PALD1: variants seen among roughly 807,000 people sequenced by gnomAD.
PALD1 encodes the protein paladin.
Under a neutral mutation model 96.0 loss-of-function variants are expected in PALD1, and 57 were observed. The ratio of observed to expected loss-of-function variants is 0.59; its 90% confidence interval spans 0.48 to 0.74. The LOEUF is 0.74. PALD1 is among the 30% of genes least tolerant of loss of function. The pLI is 0.00. For missense variants in PALD1, 1,063 were observed against 1,143.7 expected, an observed-to-expected ratio of 0.93 and a Z score of 1.02; for synonymous variants, 464 against 473.6, an observed-to-expected ratio of 0.98 and a Z score of 0.26.
chr10:70,529,318 AC>A lies in PALD1; in HGVS notation c.276del (p.Tyr93ThrfsTer126). The stretch of plus-strand genomic sequence containing the variant: ...CGGCTCTCGGACAACACCCCTGAGC[AC>A]TACCTGGTGCAAGTGAGCTCAGGCC... ...LGRLSDNTPEHYLVQGRYFLV... is the reference protein window; with the variant it reads ...LGRLSDNTPEXYLVQGRYFLV... On this transcript the variant is annotated frameshift_variant, in exon 3 of 20. Coordinates refer to ENST00000263563, the MANE Select transcript of PALD1 (RefSeq NM_014431.3). LOFTEE classifies it high-confidence loss of function. 1 of 1,580,282 alleles carries A rather than the reference AC, an allele frequency of 6.3e-7. No homozygotes were observed. The highest frequency in any genetic ancestry group is 1.7e-5 in the Admixed American group (1 of 58,194).
At chr10:70,507,665 G>T (rs955917438) in intron 1 of PALD1, among the ~76,000 whole-genome samples, 1 of 152,034 alleles carries the variant, frequency 6.6e-6, no homozygotes, top group Non-Finnish European at 1.5e-5. Context: ...CAAGCTATCC[G>T]CCAGCCTTGG....
intron 18 of PALD1, among the ~76,000 whole-genome samples, chr10:70,552,656 A>G (rs552108253): frequency 1.3e-5 from 2 of 152,228 alleles, no homozygotes; most frequent in Admixed American, 6.5e-5. Context: ...TCTTCTGTGC[A>G]TATTTCAGTA....
chr10:70,529,799 C>G, intron 3 of PALD1, 90 bp from the exon 4 acceptor site: 1 of 1,186,896 alleles, frequency 8.4e-7, no homozygotes, highest in East Asian at 2.4e-5. Context: ...TTTCCCCCCT[C>G]CCTGTCCCCT....
the PALD1 span, among the ~76,000 whole-genome samples, chr10:70,472,924 T>G: frequency 6.6e-6 from 1 of 152,212 alleles, no homozygotes; most frequent in East Asian, 1.9e-4. Flanking sequence ...GAATTTTAAA[T>G]TTATTAGTTC....
At chr10:70,557,489 C>G (rs1200215315) in intron 18 of PALD1, among the ~76,000 whole-genome samples, 1 of 152,222 alleles carries the variant, frequency 6.6e-6, no homozygotes, top group Non-Finnish European at 1.5e-5. Flanking sequence ...TCCCTTCACA[C>G]TTTGAAATTA....
intron 1 of PALD1, among the ~76,000 whole-genome samples, chr10:70,495,846 A>G (rs1456580677): frequency 7.3e-5 from 11 of 151,514 alleles, no homozygotes; most frequent in Non-Finnish European, 1.6e-4. Context: ...TCTCTACAAA[A>G]AAAAAAAAAA....
At chr10:70,551,038 T>G (rs1847468076) in intron 18 of PALD1, among the ~76,000 whole-genome samples, 1 of 152,204 alleles carries the variant, frequency 6.6e-6, no homozygotes, top group African/African-American at 2.4e-5. Flanking sequence ...CCTTTTCAGG[T>G]TAACCACCGT....
At chr10:70,523,333 G>C (rs1234985253) in intron 1 of PALD1, among the ~76,000 whole-genome samples, 2 of 152,212 alleles carry the variant, frequency 1.3e-5, no homozygotes, top group African/African-American at 4.8e-5. Context: ...GTGGCCAGCT[G>C]TTGCCTTCTG....
intron 4 of PALD1, among the ~76,000 whole-genome samples, chr10:70,530,365 C>A (rs992744963): frequency 6.6e-6 from 1 of 152,180 alleles, no homozygotes; most frequent in African/African-American, 2.4e-5. Flanking sequence ...ACAGGAGGAG[C>A]CAGCTCATAA....
intron 1 of PALD1, among the ~76,000 whole-genome samples, chr10:70,508,854 T>TGTGTGTGTGTGTGTGTGGGTGTGTGTGC (rs1406004914): frequency 8.2e-6 from 1 of 122,354 alleles, no homozygotes; most frequent in Non-Finnish European, 1.8e-5. Flanking sequence ...TGTGTGTGTG[T>TGTGTGTGTGTGTGTGTGGGTGTGTGTGC]GTGCAGGCCT....
At chr10:70,459,257 G>A in the PALD1 span, among the ~76,000 whole-genome samples, 1 of 152,210 alleles carries the variant, frequency 6.6e-6, no homozygotes, top group African/African-American at 2.4e-5. Context: ...ATGAGGAACC[G>A]GGGCTCGGAG....
Position 70,539,015 on chromosome 10 carries a change from G to A in PALD1, c.1569+7G>A, listed in dbSNP as rs534355369. On this transcript the variant is annotated splice_region_variant and intron_variant, in intron 13 of 19. Transcript: ENST00000263563. This position sits in a 1 kb window ranked among gnomAD's most constrained non-coding sequence, Gnocchi z 4.5. Reference sequence around the variant, plus strand: ...GGCCCAGCCCAGCGCCAAGGTGACCGGCCCTCAGGGCCTGGGTCCCCCAGT... The same window carrying A: ...GGCCCAGCCCAGCGCCAAGGTGACCAGCCCTCAGGGCCTGGGTCCCCCAGT... The A allele has an allele frequency of 6.4e-5, 104 of 1,613,538 alleles. No homozygotes were observed. The highest frequency in any genetic ancestry group is 8.2e-5 in the Non-Finnish European group (97 of 1,179,758).
chr10:70,519,074 G>A (rs1296781285), intron 1 of PALD1, among the ~76,000 whole-genome samples: 1 of 152,190 alleles, frequency 6.6e-6, no homozygotes, highest in Non-Finnish European at 1.5e-5. Flanking sequence ...CTGTGCCTCA[G>A]TTGCCTCATC....
chr10:70,465,553 G>A, the PALD1 span, among the ~76,000 whole-genome samples: 1 of 152,124 alleles, frequency 6.6e-6, no homozygotes, highest in South Asian at 2.1e-4. Flanking sequence ...AAATAACCCT[G>A]CCAATTAGGC....
At chr10:70,499,206 C>G (rs1048422708) in intron 1 of PALD1, among the ~76,000 whole-genome samples, 5 of 152,220 alleles carry the variant, frequency 3.3e-5, no homozygotes, top group African/African-American at 1.2e-4. Context: ...CTGCCTGGCT[C>G]TACAGCCAGT....
intron 18 of PALD1, among the ~76,000 whole-genome samples, chr10:70,553,113 T>C (rs552296432): frequency 6.6e-6 from 1 of 152,310 alleles, no homozygotes; most frequent in Non-Finnish European, 1.5e-5. Context: ...TCTCCTATTA[T>C]GACTGGCTTG....
upstream of PALD1, among the ~76,000 whole-genome samples, chr10:70,477,972 C>T (rs1047188325): frequency 6.6e-6 from 1 of 151,966 alleles, no homozygotes; most frequent in Non-Finnish European, 1.5e-5. Flanking sequence ...CTCGCGGGGG[C>T]GTGCGGGGCC....
At chr10:70,531,036 G>A (rs2132367354) in intron 4 of PALD1, among the ~76,000 whole-genome samples, 1 of 152,304 alleles carries the variant, frequency 6.6e-6, no homozygotes, top group South Asian at 2.1e-4. Context: ...GTACAAAGCA[G>A]GAATTAACGC....
intron 1 of PALD1, among the ~76,000 whole-genome samples, chr10:70,503,062 T>C (rs975348340): frequency 2.6e-5 from 4 of 151,970 alleles, no homozygotes; most frequent in African/African-American, 9.7e-5. Context: ...GTATTTTTAG[T>C]AGAGATGGGG....
Sources: allele counts gnomAD v4.1 joint callset (sites outside exome capture counted in the v4.1 genomes callset), GRCh38; gene constraint gnomAD v4.1.1; non-coding constraint Gnocchi (gnomAD v3.1); transcripts MANE v1.5; gene names NCBI Gene and HGNC (gene_info 2026-07-23, HGNC 2026-07-21).